SEMA5A: variants seen among roughly 807,000 people sequenced by gnomAD.
SEMA5A encodes semaphorin 5A.
In SEMA5A, 55 loss-of-function variants were observed where a neutral mutation model predicts 135.5. The observed-to-expected ratio is 0.41, with a 90% CI of 0.33 to 0.51. SEMA5A has a LOEUF of 0.51. Among genes scored for constraint, SEMA5A ranks in the 20% least tolerant of loss-of-function variants. The pLI is 0.37. For missense variants in SEMA5A, 1,290 were observed against 1,419.9 expected (o/e 0.91, Z 1.47); for synonymous variants, 580 against 546.5 (o/e 1.06, Z -0.85).
chr5:9,433,890 T>C (rs1412238517), intron 2 of SEMA5A, among the ~76,000 whole-genome samples: 1 of 152,208 alleles, frequency 6.6e-6, no homozygotes, highest in Non-Finnish European at 1.5e-5. Context: ...CTGGGTTTTA[T>C]GTAGTAAATC....
intron 1 of SEMA5A, among the ~76,000 whole-genome samples, chr5:9,474,226 C>T (rs1356956147): frequency 3.9e-5 from 6 of 151,982 alleles, no homozygotes; most frequent in African/African-American, 7.3e-5. Context: ...ACGTGGAGTC[C>T]GAGCATCCCA....
At position 9,205,851 on chromosome 5, in the gene SEMA5A, A is replaced by G. The variant is rs187429913; in HGVS notation, c.647-3611T>C. Among the ~76,000 whole-genome samples the G allele has an allele frequency of 5.0e-4, 72 of 144,348 alleles. 1 individual carries two copies. The highest frequency in any genetic ancestry group is 8.9e-4 in the Non-Finnish European group (56 of 63,158). The allele number at this position is 144,348 out of a possible 152,430, so 94.7% of individuals were successfully genotyped here. A position where few individuals can be genotyped will look rare whatever the true frequency, so the allele number is the denominator to read the frequency against. ...CCCCTGACTGTGTGACCTGCCATTA[A>G]CTCGGGAAACACAGTTTCTTGAAAA... is the stretch of plus-strand genomic sequence containing the variant. On this transcript the variant is annotated intron_variant, in intron 8 of 22. Coordinates refer to ENST00000382496, the MANE Select transcript of SEMA5A (RefSeq NM_003966.3).
chr5:9,107,834 G>A (rs1322627619), intron 16 of SEMA5A, among the ~76,000 whole-genome samples: 1 of 152,126 alleles, frequency 6.6e-6, no homozygotes, highest in East Asian at 1.9e-4. Context: ...TCCAGTGTGT[G>A]AGAGGACCTG....
At chr5:9,180,867 A>G (rs1216115286) in intron 11 of SEMA5A, among the ~76,000 whole-genome samples, 1 of 152,218 alleles carries the variant, frequency 6.6e-6, no homozygotes, top group Non-Finnish European at 1.5e-5. Flanking sequence ...TCACTCTTGC[A>G]GAAGAAACTT....
At chr5:9,170,211 C>T (rs3797928) in intron 11 of SEMA5A, among the ~76,000 whole-genome samples, 10,332 of 152,064 alleles carry the variant, frequency 0.068, 383 homozygotes, top group East Asian at 0.16. Flanking sequence ...GGTGGAGGAA[C>T]CTCAGCTGTG....
intron 6 of SEMA5A, 32 bp from the exon 7 acceptor site, chr5:9,226,999 AT>A: frequency 9.2e-7 from 1 of 1,081,520 alleles, no homozygotes; most frequent in Non-Finnish European, 1.2e-6. Flanking sequence ...AATTAAAAAT[AT>A]ATATATATAT....
intron 20 of SEMA5A, among the ~76,000 whole-genome samples, chr5:9,051,251 T>C (rs888385289): frequency 1.2e-4 from 18 of 152,216 alleles, no homozygotes; most frequent in African/African-American, 3.9e-4. Flanking sequence ...ACTATTTATT[T>C]GTAAGAGGCT....
chr5:9,038,022 A>T lies in SEMA5A; in HGVS notation c.*4875T>A, dbSNP rs1309231726. Reference sequence around the variant, plus strand: ...GGGCTCAAATGGCATCTAGGGTCTGATAAGATAAGCGTAGGTAATTGCAGA... The same window carrying T: ...GGGCTCAAATGGCATCTAGGGTCTGTTAAGATAAGCGTAGGTAATTGCAGA... On this transcript the variant is annotated 3_prime_UTR_variant, in exon 23 of 23. Coordinates refer to ENST00000382496, the MANE Select transcript of SEMA5A (RefSeq NM_003966.3). The T allele has an allele frequency of 3.9e-5, 6 of 152,176 alleles. No homozygotes were observed. The highest frequency in any genetic ancestry group is 8.8e-5 in the Non-Finnish European group (6 of 68,038). 9.4% of individuals were successfully genotyped at this position (152,176 alleles called of 1,614,324 possible).
chr5:9,515,504 T>C (rs552022408), intron 1 of SEMA5A, among the ~76,000 whole-genome samples: 2 of 152,300 alleles, frequency 1.3e-5, no homozygotes, highest in African/African-American at 4.8e-5. Flanking sequence ...GTTATGGCAA[T>C]AGGGGAGTTG....
chr5:9,154,748 A>C, intron 11 of SEMA5A, 53 bp from the exon 12 acceptor site: 1 of 1,477,888 alleles, frequency 6.8e-7, no homozygotes, highest in Non-Finnish European at 9.4e-7. Flanking sequence ...CTCACAAACC[A>C]ATCCCTGGTT....
chr5:9,196,196 A>G (rs1403115655), intron 10 of SEMA5A, among the ~76,000 whole-genome samples: 2 of 152,222 alleles, frequency 1.3e-5, no homozygotes, highest in Non-Finnish European at 1.5e-5. Flanking sequence ...TATGGACCCA[A>G]TGTCTGTAAG....
chr5:9,131,454 A>G (rs942135229), intron 13 of SEMA5A, among the ~76,000 whole-genome samples: 5 of 151,766 alleles, frequency 3.3e-5, no homozygotes, highest in Non-Finnish European at 5.9e-5. Context: ...TAAAAACACA[A>G]AAAATTACCC....
intron 2 of SEMA5A, among the ~76,000 whole-genome samples, chr5:9,426,842 C>A (rs1757679330): frequency 6.6e-6 from 1 of 152,134 alleles, no homozygotes; most frequent in Non-Finnish European, 1.5e-5. Context: ...ACAAACAAAA[C>A]ACTTAATATT....
At chr5:9,323,787 C>T in intron 4 of SEMA5A, among the ~76,000 whole-genome samples, 1 of 150,786 alleles carries the variant, frequency 6.6e-6, no homozygotes, top group African/African-American at 2.4e-5. Flanking sequence ...TCAGCCTCCC[C>T]AGTAGCCAGG....
At chr5:9,078,692 T>G (rs1224462150) in intron 16 of SEMA5A, among the ~76,000 whole-genome samples, 1 of 152,110 alleles carries the variant, frequency 6.6e-6, no homozygotes, top group Non-Finnish European at 1.5e-5. Flanking sequence ...TATGGGATGG[T>G]TACAGACACA....
intron 1 of SEMA5A, among the ~76,000 whole-genome samples, chr5:9,474,751 C>T (rs1473784103): frequency 2.0e-5 from 3 of 152,142 alleles, no homozygotes; most frequent in Admixed American, 6.5e-5. Flanking sequence ...CCCATGTCAT[C>T]CAGCTCTACC....
At chr5:9,168,916 T>C (rs1229662048) in intron 11 of SEMA5A, among the ~76,000 whole-genome samples, 2 of 152,202 alleles carry the variant, frequency 1.3e-5, no homozygotes, top group Non-Finnish European at 2.9e-5. Flanking sequence ...CATAGTGCAT[T>C]AACCATTACC....
intron 3 of SEMA5A, among the ~76,000 whole-genome samples, chr5:9,357,591 C>A (rs1754509410): frequency 6.6e-6 from 1 of 152,190 alleles, no homozygotes; most frequent in Non-Finnish European, 1.5e-5. Context: ...AGTATAACTG[C>A]AAACTCTGGG....
chr5:9,293,567 A>C (rs1263116500), intron 5 of SEMA5A, among the ~76,000 whole-genome samples: 2 of 152,134 alleles, frequency 1.3e-5, no homozygotes, highest in African/African-American at 4.8e-5. Flanking sequence ...AATCTAATAC[A>C]TGTTATTAAA....
Sources: allele counts gnomAD v4.1 joint callset (sites outside exome capture counted in the v4.1 genomes callset), GRCh38; gene constraint gnomAD v4.1.1; transcripts MANE v1.5; gene names NCBI Gene and HGNC (gene_info 2026-07-23, HGNC 2026-07-21).